The following TRAPPC8 variants were observed in gnomAD, a reference collection of about 807,000 sequenced individuals.
The protein encoded by TRAPPC8 is general sporulation gene 1 homolog.
Under a neutral mutation model 174.3 loss-of-function variants are expected in TRAPPC8, and 54 were observed. That is an observed-to-expected ratio of 0.31 (90% CI 0.25 to 0.39). The LOEUF (loss-of-function observed/expected upper bound fraction) is 0.39, where lower values mean the gene tolerates loss of function less well. Ranked by LOEUF, TRAPPC8 falls within the 10% of genes least tolerant of loss-of-function variation. The probability of loss-of-function intolerance (pLI) is 1.00; values close to 1 mark genes in which losing one functional copy is unlikely to be tolerated. For missense variants in TRAPPC8, 1,531 were observed against 1,699.1 expected (o/e 0.90, Z 1.74); for synonymous variants, 630 against 579.9 (o/e 1.09, Z -1.24).
chr18:31,854,809 A>T (rs975083076), intron 21 of TRAPPC8, among the ~76,000 whole-genome samples: 3 of 151,778 alleles, frequency 2.0e-5, no homozygotes, highest in Non-Finnish European at 4.4e-5. Context: ...TCTACTAAAA[A>T]TACAAAAAAA....
chr18:31,889,955 T>C (rs1034097152), intron 12 of TRAPPC8, among the ~76,000 whole-genome samples: 2 of 152,216 alleles, frequency 1.3e-5, no homozygotes, highest in Non-Finnish European at 2.9e-5. Context: ...AGGATGTTCA[T>C]AGTTACATTT....
intron 12 of TRAPPC8, among the ~76,000 whole-genome samples, chr18:31,885,263 T>C (rs558476651): frequency 6.6e-6 from 1 of 152,316 alleles, no homozygotes; most frequent in East Asian, 1.9e-4. Context: ...CTTCTGTATA[T>C]TCCTACAAAC....
At chr18:31,928,919 G>A (rs951675385) in intron 2 of TRAPPC8, among the ~76,000 whole-genome samples, 5 of 152,006 alleles carry the variant, frequency 3.3e-5, no homozygotes, top group African/African-American at 1.2e-4. Flanking sequence ...GGTGGCTCAC[G>A]CCTGTAATCC....
At chr18:31,855,830 A>AC in intron 20 of TRAPPC8, 23 bp from the exon 21 acceptor site, 1 of 1,543,002 alleles carries the variant, frequency 6.5e-7, no homozygotes, top group Non-Finnish European at 8.7e-7. Context: ...AAAAAAAAAA[A>AC]AGCACATTTA....
At chr18:31,939,824 T>A (rs185159591) in intron 1 of TRAPPC8, 1 of 152,040 alleles carries the variant, frequency 6.6e-6, no homozygotes, top group Non-Finnish European at 1.5e-5. Flanking sequence ...GGTGATACAA[T>A]TGCACTCCAG....
intron 2 of TRAPPC8, among the ~76,000 whole-genome samples, chr18:31,929,094 A>C (rs755343101): frequency 6.6e-6 from 1 of 151,922 alleles, no homozygotes; most frequent in African/African-American, 2.4e-5. Flanking sequence ...AGGCAGGAGA[A>C]TCTCTCGAAC....
intron 12 of TRAPPC8, among the ~76,000 whole-genome samples, chr18:31,884,408 G>T (rs8087104): frequency 0.26 from 39,230 of 152,144 alleles, 5,348 homozygotes; most frequent in Middle Eastern, 0.38. Flanking sequence ...GTGTATTTAT[G>T]TGTGTGTATA....
At chr18:31,860,680 T>G (rs1343080665) in intron 19 of TRAPPC8, among the ~76,000 whole-genome samples, 9 of 152,240 alleles carry the variant, frequency 5.9e-5, no homozygotes, top group African/African-American at 1.9e-4. Context: ...TTCCACTGTC[T>G]GTCCAAATAT....
chr18:31,900,698 C>T (rs570752987), intron 10 of TRAPPC8, among the ~76,000 whole-genome samples: 2 of 152,234 alleles, frequency 1.3e-5, no homozygotes, highest in South Asian at 4.1e-4. Context: ...TACAAATTAC[C>T]TTCAATGTAA....
At chr18:31,844,513 A>T (rs1446643656) in intron 26 of TRAPPC8, 2 of 152,156 alleles carry the variant, frequency 1.3e-5, no homozygotes. Context: ...AAGTTCAAAA[A>T]TGTATTATTA....
chr18:31,934,256 A>T (rs1391331757), intron 1 of TRAPPC8, among the ~76,000 whole-genome samples: 1 of 152,088 alleles, frequency 6.6e-6, no homozygotes, highest in Admixed American at 6.6e-5. Flanking sequence ...AAAGAGACTA[A>T]GATAAGGTAG....
chr18:31,841,065 G>T (rs1217721744), intron 26 of TRAPPC8, among the ~76,000 whole-genome samples: 2 of 152,000 alleles, frequency 1.3e-5, no homozygotes, highest in Non-Finnish European at 2.9e-5. Flanking sequence ...TTTGAAACTG[G>T]TATGATATAC....
At chr18:31,909,086 G>C in intron 6 of TRAPPC8, 76 bp from the exon 7 acceptor site, 1 of 958,690 alleles carries the variant, frequency 1.0e-6, no homozygotes, top group Non-Finnish European at 1.4e-6. Context: ...TACTGCTAAA[G>C]AAAAAAAAAA....
At chr18:31,867,332 G>T (rs1377865041) in intron 17 of TRAPPC8, 70 bp downstream of exon 17, 1 of 1,075,800 alleles carries the variant, frequency 9.3e-7, no homozygotes, top group East Asian at 2.5e-5. Context: ...ACTGAATAAA[G>T]ATTATTTAAA....
In TRAPPC8 at chr18:31,829,992, A is replaced by T. The variant is rs1453553535; in HGVS notation, c.*763T>A. ...TTTACAGTATATTTGTTATAAATAT[A>T]ATACATTTTTGAAAAGCTTATTTTT... On this transcript the variant is annotated 3_prime_UTR_variant, in exon 29 of 29. Coordinates refer to ENST00000283351, the MANE Select transcript of TRAPPC8 (RefSeq NM_014939.5). The T allele has an allele frequency of 3.3e-5, 5 of 152,684 alleles. No individual in the cohort carries two copies. Among genetic ancestry groups the T allele is most frequent in the African/African-American group, 1.2e-4 (5 of 41,472 alleles). 9.5% of individuals were successfully genotyped at this position (152,684 alleles called of 1,614,324 possible). A position where few individuals can be genotyped will look rare whatever the true frequency, so the allele number is the denominator to read the frequency against.
At chr18:31,924,122 A>C (rs1257710193) in intron 2 of TRAPPC8, among the ~76,000 whole-genome samples, 1 of 151,902 alleles carries the variant, frequency 6.6e-6, no homozygotes, top group Non-Finnish European at 1.5e-5. Context: ...CATCTCTACT[A>C]AAAATACAAA....
At chr18:31,901,120 T>TA in intron 9 of TRAPPC8, 95 bp from the exon 10 acceptor site, 1 of 1,068,030 alleles carries the variant, frequency 9.4e-7, no homozygotes, top group South Asian at 1.5e-5. Flanking sequence ...TTGCTGTTTT[T>TA]TTTTTAACTG....
chr18:31,833,175 T>C (rs941898852), intron 27 of TRAPPC8: 4 of 152,226 alleles, frequency 2.6e-5, no homozygotes, highest in African/African-American at 9.6e-5. Context: ...AGCATCTCAT[T>C]AAATTAAGTT....
chr18:31,838,028 G>A (rs1295274850), intron 27 of TRAPPC8, among the ~76,000 whole-genome samples: 2 of 150,724 alleles, frequency 1.3e-5, no homozygotes, highest in African/African-American at 4.9e-5. Flanking sequence ...AGAGTGCAAT[G>A]GTGCAAACAT....
Sources: gnomAD v4.1 joint callset for allele counts (sites outside exome capture counted in the v4.1 genomes callset) on GRCh38, gnomAD v4.1.1 for gene constraint, MANE v1.5 for transcripts, NCBI Gene and HGNC (gene_info 2026-07-23, HGNC 2026-07-21) for gene names.